The following PPP4R1 variants were observed in gnomAD, a reference collection of about 807,000 sequenced individuals.
PPP4R1 encodes the protein serine/threonine-protein phosphatase 4 regulatory subunit 1.
A neutral mutation model predicts 111.2 loss-of-function variants in PPP4R1; 42 were observed. The observed-to-expected ratio is 0.38, with a 90% CI of 0.29 to 0.49. The LOEUF (loss-of-function observed/expected upper bound fraction) is 0.49. PPP4R1 is among the 20% of genes least tolerant of loss of function. PPP4R1 has a pLI of 0.97. For synonymous variants in PPP4R1, 409 were observed against 405.5 expected, an observed-to-expected ratio of 1.01 and a Z score of -0.10; for missense variants, 1,012 against 1,161.6, an observed-to-expected ratio of 0.87 and a Z score of 1.87.
At chr18:9,584,124 T>A (rs1246964571) in intron 8 of PPP4R1, among the ~76,000 whole-genome samples, 1 of 152,216 alleles carries the variant, frequency 6.6e-6, no homozygotes, top group Non-Finnish European at 1.5e-5. Context: ...CAGAAACTCT[T>A]TAGATATGGT....
At position 9,562,813 on chromosome 18, in the gene PPP4R1, C is replaced by G. The variant is rs1237780863; in HGVS notation, c.1746+565G>C. ...TTGTATAAACAATGGCTAAGCAGCA[C>G]TGATACCAAATAATGCTGGCTTGAT... On this transcript the variant is annotated intron_variant, in intron 12 of 19. Transcript: ENST00000400556. 3 of 950,700 alleles carry G rather than the reference C, an allele frequency of 3.2e-6. No homozygotes were observed. The African/African-American group carries it at 5.3e-5, about 17-fold the overall frequency. 58.9% of individuals were successfully genotyped at this position (950,700 alleles called of 1,614,324 possible). A position where few individuals can be genotyped will look rare whatever the true frequency, so the allele number is the denominator to read the frequency against.
intron 2 of PPP4R1, among the ~76,000 whole-genome samples, chr18:9,605,627 A>G (rs545119748): frequency 3.3e-5 from 5 of 151,796 alleles, no homozygotes; most frequent in African/African-American, 1.2e-4. Flanking sequence ...ATCATGAGGA[A>G]ACAGATAAAA....
At chr18:9,583,777 AAAT>A (rs953736088) in intron 8 of PPP4R1, among the ~76,000 whole-genome samples, 2 of 151,814 alleles carry the variant, frequency 1.3e-5, no homozygotes, top group South Asian at 2.1e-4. Flanking sequence ...AAAGTATAAA[AAAT>A]AATGTATCTT....
chr18:9,614,128 C>A lies in PPP4R1; in HGVS notation c.52+98G>T. 9.2e-7 allele frequency: 1 copy of A among 1,087,836 alleles called. No individual in the cohort carries two copies. The highest frequency in any genetic ancestry group is 1.7e-5 in the African/African-American group (1 of 59,496). The allele number at this position is 1,087,836 out of a possible 1,614,324, so 67.4% of individuals were successfully genotyped here. On this transcript the variant is annotated intron_variant, in intron 2 of 19. Coordinates refer to ENST00000400556, the MANE Select transcript of PPP4R1 (RefSeq NM_001042388.3). This position sits in a 1 kb window ranked among gnomAD's most constrained non-coding sequence, Gnocchi z 4.1. The stretch of plus-strand genomic sequence containing the variant: ...CTGGGGCCGCCCTCGCCCACCGTCC[C>A]CTCAGCCAGCCAGGGCCCGGCCCAG...
At chr18:9,556,400 C>T (rs567310370) in intron 15 of PPP4R1, among the ~76,000 whole-genome samples, 94 of 152,006 alleles carry the variant, frequency 6.2e-4, no homozygotes, top group Non-Finnish European at 4.4e-5. Flanking sequence ...ACCATGTTGG[C>T]CAGGCTGGTC....
chr18:9,560,712 G>A (rs1442231915), intron 13 of PPP4R1, among the ~76,000 whole-genome samples: 1 of 152,016 alleles, frequency 6.6e-6, no homozygotes, highest in East Asian at 1.9e-4. Context: ...GTAAAAATTG[G>A]CTAGATGTGG....
intron 2 of PPP4R1, chr18:9,599,550 T>C (rs1598954079): frequency 6.6e-6 from 1 of 152,220 alleles, no homozygotes; most frequent in Non-Finnish European, 1.5e-5. Flanking sequence ...GCAGAGACTG[T>C]CAAATTGGAT....
chr18:9,548,404 G>T (rs2066433286), intron 19 of PPP4R1, among the ~76,000 whole-genome samples: 1 of 126,822 alleles, frequency 7.9e-6, no homozygotes, highest in Admixed American at 7.9e-5. Flanking sequence ...TTGGGCGGCA[G>T]GCGGCGGGGG....
At position 9,614,511 on chromosome 18, in the gene PPP4R1, C is replaced by A; in HGVS notation, c.-27G>T. ...TTGTGGTCGCCCCCTCCTCCGCGGC[C>A]GCCCGGGGAGCCGGGGCTACATGGA... On this transcript the variant is annotated 5_prime_UTR_variant, in exon 1 of 20. Coordinates refer to ENST00000400556, the MANE Select transcript of PPP4R1 (RefSeq NM_001042388.3). The surrounding 1 kb of genome is among the most constrained non-coding windows in gnomAD (Gnocchi z 4.1). The A allele has an allele frequency of 2.0e-6, 2 of 1,019,680 alleles. No individual in the cohort carries two copies. Among genetic ancestry groups the A allele is most frequent in the Non-Finnish European group, 2.3e-6 (2 of 853,382 alleles). The allele number at this position is 1,019,680 out of a possible 1,614,324, so 63.2% of individuals were successfully genotyped here.
chr18:9,594,927 C>A (rs1317678644), intron 3 of PPP4R1, 91 bp downstream of exon 3: 3 of 1,432,854 alleles, frequency 2.1e-6, no homozygotes, highest in East Asian at 4.6e-5. Flanking sequence ...GTTAATAATA[C>A]CTCCTTTAAA....
At chr18:9,595,740 A>G (rs959854573) in intron 2 of PPP4R1, among the ~76,000 whole-genome samples, 1 of 152,210 alleles carries the variant, frequency 6.6e-6, no homozygotes, top group Admixed American at 6.5e-5. Context: ...TTGTAATAAA[A>G]GTATGTATTA....
Position 9,553,432 on chromosome 18 carries a change from C to A in PPP4R1, c.2191-10G>T. The A allele has an allele frequency of 2.6e-6, 4 of 1,519,704 alleles. No homozygotes were observed. The highest frequency in any genetic ancestry group is 3.6e-6 in the Non-Finnish European group (4 of 1,099,746). 94.1% of individuals were successfully genotyped at this position (1,519,704 alleles called of 1,614,324 possible). ...TGTCAATATGAAGAAGCTAAAGTAA[C>A]AAAATAAAAATATTTACCAGGACAA... On this transcript the variant is annotated splice_polypyrimidine_tract_variant and intron_variant, in intron 15 of 19. Transcript: ENST00000400556.
chr18:9,591,167 G>A (rs2067205169), intron 4 of PPP4R1, among the ~76,000 whole-genome samples: 1 of 151,972 alleles, frequency 6.6e-6, no homozygotes, highest in South Asian at 2.1e-4. Flanking sequence ...GGCCAACACG[G>A]AGAAATCCCA....
chr18:9,549,814 A>G (rs1181967529), intron 18 of PPP4R1: 11 of 597,608 alleles, frequency 1.8e-5, no homozygotes, highest in Non-Finnish European at 3.2e-5. Context: ...ACAAGCACAT[A>G]CAGCAGGCAC....
intron 9 of PPP4R1, among the ~76,000 whole-genome samples, chr18:9,580,799 G>C (rs935814379): frequency 6.6e-6 from 1 of 152,200 alleles, no homozygotes; most frequent in East Asian, 1.9e-4. Flanking sequence ...TCCTGAGTGA[G>C]AGCAGCTGAG....
intron 2 of PPP4R1, among the ~76,000 whole-genome samples, chr18:9,606,949 A>C (rs1165671696): frequency 2.6e-5 from 4 of 152,222 alleles, no homozygotes. Context: ...CAGGTAATCC[A>C]AATACAAAAT....
rs555549501 is a variant in PPP4R1, at chr18:9,595,626, C to T, written c.53-473G>A. Among the ~76,000 whole-genome samples, 7 of 152,146 alleles carry T rather than the reference C, an allele frequency of 4.6e-5. No homozygotes were observed. The South Asian group carries it at 1.5e-3, about 32-fold the overall frequency. The stretch of plus-strand genomic sequence containing the variant: ...CAAATATTTATTAAATACATTTGTG[C>T]CAAGTACTAGGGTAGATGCTGGAGA... On this transcript the variant is annotated intron_variant, in intron 2 of 19. Transcript: ENST00000400556.
chr18:9,561,280 A>G (rs2066672790), intron 13 of PPP4R1, among the ~76,000 whole-genome samples: 1 of 151,174 alleles, frequency 6.6e-6, no homozygotes, highest in African/African-American at 2.4e-5. Context: ...AGAAGCAAAC[A>G]ACACGTACAG....
intron 16 of PPP4R1, among the ~76,000 whole-genome samples, chr18:9,552,829 A>C (rs1035687763): frequency 3.3e-5 from 5 of 152,242 alleles, no homozygotes; most frequent in Non-Finnish European, 7.3e-5. Flanking sequence ...CACAAAAAGG[A>C]AGGCAGGTTC....
Sources: gnomAD v4.1 joint callset for allele counts (sites outside exome capture counted in the v4.1 genomes callset) on GRCh38, gnomAD v4.1.1 for gene constraint, Gnocchi (gnomAD v3.1) non-coding constraint, MANE v1.5 for transcripts, NCBI Gene and HGNC (gene_info 2026-07-23, HGNC 2026-07-21) for gene names.